Variants in PRKAG2 observed in about 807,000 individuals in gnomAD.
The protein encoded by PRKAG2 is 5'-AMP-activated protein kinase subunit gamma-2.
A neutral mutation model predicts 69.6 loss-of-function variants in PRKAG2; 26 were observed. The ratio of observed to expected loss-of-function variants is 0.37; its 90% CI spans 0.27 to 0.52. PRKAG2 has a LOEUF of 0.52. Among genes scored for constraint, PRKAG2 ranks in the 20% least tolerant of loss-of-function variants. The pLI, the probability that PRKAG2 is intolerant of heterozygous loss-of-function variation, is 0.90. For synonymous variants in PRKAG2, 293 were observed against 285.0 expected, an observed-to-expected ratio of 1.03 and a Z score of -0.28; for missense variants, 557 against 740.0, an observed-to-expected ratio of 0.75 and a Z score of 2.87.
At chr7:151,842,979 C>T (rs1257701161) in intron 1 of PRKAG2, among the ~76,000 whole-genome samples, 1 of 152,004 alleles carries the variant, frequency 6.6e-6, no homozygotes, top group Non-Finnish European at 1.5e-5. Context: ...GAACAGGCTC[C>T]ATCTGAGTTC....
chr7:151,839,856 C>T (rs2079234901), intron 1 of PRKAG2, among the ~76,000 whole-genome samples: 1 of 152,154 alleles, frequency 6.6e-6, no homozygotes, highest in Non-Finnish European at 1.5e-5. Context: ...CACCGTGTGG[C>T]CCAGGAGCCA....
chr7:151,626,659 T>C (rs551251951), intron 5 of PRKAG2, among the ~76,000 whole-genome samples: 9 of 152,212 alleles, frequency 5.9e-5, no homozygotes, highest in East Asian at 1.9e-4. Flanking sequence ...AACCTGCAAG[T>C]TGACGCTTGG....
At chr7:151,867,761 G>C (rs540780643) in intron 1 of PRKAG2, among the ~76,000 whole-genome samples, 1 of 152,280 alleles carries the variant, frequency 6.6e-6, no homozygotes, top group African/African-American at 2.4e-5. Flanking sequence ...ACTGGTTTCT[G>C]GTCCCAGCAC....
chr7:151,685,767 T>A (rs1834625008), intron 3 of PRKAG2, among the ~76,000 whole-genome samples: 3 of 145,588 alleles, frequency 2.1e-5, no homozygotes, highest in African/African-American at 5.1e-5. Flanking sequence ...ACCCTGTCTC[T>A]AAAAAAAAAA....
At chr7:151,866,269 T>C (rs1413154691) in intron 1 of PRKAG2, among the ~76,000 whole-genome samples, 1 of 152,094 alleles carries the variant, frequency 6.6e-6, no homozygotes, top group Non-Finnish European at 1.5e-5. Context: ...TGGCTGCTCG[T>C]GGGGCATCTG....
At chr7:151,624,577 A>T (rs1382498591) in intron 5 of PRKAG2, among the ~76,000 whole-genome samples, 1 of 152,058 alleles carries the variant, frequency 6.6e-6, no homozygotes, top group Non-Finnish European at 1.5e-5. Context: ...GTTCCCCCTA[A>T]CCTTAGCACA....
At chr7:151,829,511 C>G (rs2078976592) in intron 1 of PRKAG2, among the ~76,000 whole-genome samples, 1 of 152,010 alleles carries the variant, frequency 6.6e-6, no homozygotes, top group South Asian at 2.1e-4. Flanking sequence ...CCCAGCAACT[C>G]CACTCCTAGG....
rs143382614 is a variant in PRKAG2, at chr7:151,861,385, G to A, written c.114+15122C>T. Among the ~76,000 whole-genome samples, 515 of 151,980 alleles carry A rather than the reference G, an allele frequency of 3.4e-3. 4 individuals carry two copies. Among genetic ancestry groups the A allele is most frequent in the African/African-American group, 0.011 (459 of 41,464 alleles). ...TCTACTAAAAATACAAAACCTGGCC[G>A]GTCATGGTGGTGCATGCTTGTAATC... On this transcript the variant is annotated intron_variant, in intron 1 of 15. Coordinates refer to ENST00000287878, the MANE Select transcript of PRKAG2 (RefSeq NM_016203.4).
At chr7:151,875,564 T>G (rs557898392) in intron 1 of PRKAG2, among the ~76,000 whole-genome samples, 103 of 26,442 alleles carry the variant, frequency 3.9e-3, no homozygotes, top group African/African-American at 9.1e-3. Flanking sequence ...AGCACTCTGG[T>G]GTGTGTGTGT....
In PRKAG2 at chr7:151,865,164, T is replaced by C. The variant is rs1470548239; in HGVS notation, c.114+11343A>G. ...TGAGTCTCAGCCGTGTGACTTGCCATGGCCAAGGGGCCTGAGGAGCCCCTG... is the reference window on the plus strand; with the variant it reads ...TGAGTCTCAGCCGTGTGACTTGCCACGGCCAAGGGGCCTGAGGAGCCCCTG... On this transcript the variant is annotated intron_variant, in intron 1 of 15. Transcript: ENST00000287878. 2.0e-5 allele frequency among the ~76,000 whole-genome samples: 3 copies of C among 152,354 alleles called. No homozygotes were observed. The East Asian group carries it at 5.8e-4, about 29-fold the overall frequency.
At chr7:151,656,689 T>C (rs1375137734) in intron 4 of PRKAG2, among the ~76,000 whole-genome samples, 1 of 152,246 alleles carries the variant, frequency 6.6e-6, no homozygotes, top group African/African-American at 2.4e-5. Context: ...GATGCCAATG[T>C]CTTAGGTAGC....
intron 1 of PRKAG2, among the ~76,000 whole-genome samples, chr7:151,864,364 C>A (rs189471138): frequency 6.6e-6 from 1 of 152,290 alleles, no homozygotes; most frequent in African/African-American, 2.4e-5. Flanking sequence ...GGTCACTTAA[C>A]CTCTTGGGGC....
chr7:151,676,884 G>A (rs779237358), intron 3 of PRKAG2, among the ~76,000 whole-genome samples: 2 of 152,188 alleles, frequency 1.3e-5, no homozygotes, highest in Non-Finnish European at 2.9e-5. Context: ...GGAAGGCCTC[G>A]TGCTGGCAGA....
intron 4 of PRKAG2, among the ~76,000 whole-genome samples, chr7:151,651,234 A>G (rs1294660853): frequency 6.6e-6 from 1 of 152,234 alleles, no homozygotes; most frequent in Non-Finnish European, 1.5e-5. Flanking sequence ...GAAGATCTGC[A>G]TTAGTCAGTG....
intron 5 of PRKAG2, among the ~76,000 whole-genome samples, chr7:151,631,223 C>T (rs1418773923): frequency 6.6e-6 from 1 of 152,168 alleles, no homozygotes; most frequent in African/African-American, 2.4e-5. Context: ...ACAGTGTGAA[C>T]GCCTTTTCAA....
intron 3 of PRKAG2, among the ~76,000 whole-genome samples, chr7:151,764,233 T>C (rs866153156): frequency 1.3e-5 from 2 of 152,078 alleles, no homozygotes; most frequent in Non-Finnish European, 2.9e-5. Flanking sequence ...CTTTGACAGA[T>C]CTGCAATCAC....
At chr7:151,755,839 C>A (rs531389143) in intron 3 of PRKAG2, among the ~76,000 whole-genome samples, 1 of 152,232 alleles carries the variant, frequency 6.6e-6, no homozygotes, top group Non-Finnish European at 1.5e-5. Context: ...CGGCCCCTCA[C>A]GAGCCTTCCC....
intron 3 of PRKAG2, among the ~76,000 whole-genome samples, chr7:151,715,357 A>AT (rs1252853663): frequency 4.5e-5 from 5 of 112,144 alleles, no homozygotes; most frequent in South Asian, 5.7e-4. Flanking sequence ...AATTATTATT[A>AT]TTTTTTTTGA....
chr7:151,564,061 T>C lies in PRKAG2; in HGVS notation c.1584+17A>G, dbSNP rs2150988377. On this transcript the variant is annotated intron_variant, in intron 14 of 15. Transcript: ENST00000287878. ...GCAGTGGACGTCGGGGGAGCAGGAC[T>C]GGGAAAGCCGTCTCACCTCAGCTCT... 5 of 1,613,926 alleles carry C rather than the reference T, an allele frequency of 3.1e-6. No individual in the cohort carries two copies. The highest frequency in any genetic ancestry group is 4.2e-6 in the Non-Finnish European group (5 of 1,179,910).
Sources: allele counts gnomAD v4.1 joint callset (sites outside exome capture counted in the v4.1 genomes callset), GRCh38; gene constraint gnomAD v4.1.1; transcripts MANE v1.5; gene names NCBI Gene and HGNC (gene_info 2026-07-23, HGNC 2026-07-21).